Variants in WDR26 observed in about 807,000 individuals in gnomAD.
WDR26 encodes WD repeat domain 26, also known as WD repeat-containing protein 26.
Under a neutral mutation model 84.1 loss-of-function variants are expected in WDR26, and 5 were observed. The observed-to-expected ratio is 0.06, with a 90% CI of 0.03 to 0.13. WDR26 has a LOEUF of 0.13. Among genes scored for constraint, WDR26 ranks in the 10% least tolerant of loss-of-function variants. The pLI is 1.00. For synonymous variants in WDR26, 415 were observed against 389.6 expected, an observed-to-expected ratio of 1.07 and a Z score of -0.77; for missense variants, 642 against 974.9, an observed-to-expected ratio of 0.66 and a Z score of 4.55.
intron 12 of WDR26, 106 bp downstream of exon 12, chr1:224,397,991 T>A (rs1673310137): frequency 7.1e-7 from 1 of 1,399,552 alleles, no homozygotes; most frequent in African/African-American, 1.5e-5. Context: ...AATGAAAGAA[T>A]TTTAACTTAC....
chr1:224,406,983 G>A (rs1036482838), intron 7 of WDR26, among the ~76,000 whole-genome samples: 1 of 150,460 alleles, frequency 6.6e-6, no homozygotes, highest in African/African-American at 2.5e-5. Context: ...TTAGCCGGGT[G>A]TGGTGGTGGG....
Position 224,400,932 on chromosome 1 carries a change from G to T in WDR26, c.1719+18C>A, listed in dbSNP as rs1415858130. On this transcript the variant is annotated intron_variant, in intron 9 of 13. Coordinates refer to ENST00000414423, the MANE Select transcript of WDR26 (RefSeq NM_001379403.1). ...TTTTAAACCAACAGATACTGGGAAGGGGGCACTGAATACTTACACACTGAT... is the reference window on the plus strand; with the variant it reads ...TTTTAAACCAACAGATACTGGGAAGTGGGCACTGAATACTTACACACTGAT... The T allele has an allele frequency of 6.2e-7, 1 of 1,606,504 alleles. No homozygotes were observed. Among genetic ancestry groups the T allele is most frequent in the Non-Finnish European group, 8.5e-7 (1 of 1,177,692 alleles).
intron 6 of WDR26, among the ~76,000 whole-genome samples, chr1:224,416,377 G>A (rs7533277): frequency 1.3e-5 from 2 of 151,980 alleles, no homozygotes; most frequent in Non-Finnish European, 2.9e-5. Flanking sequence ...ACAGGCGCCT[G>A]CCACCACGCC....
chr1:224,391,085 TAA>T (rs946772997), intron 13 of WDR26, among the ~76,000 whole-genome samples: 1 of 146,112 alleles, frequency 6.8e-6, no homozygotes, highest in Non-Finnish European at 1.5e-5. Flanking sequence ...TATGCATCCT[TAA>T]AAAAAAAAAT....
chr1:224,420,726 A>G (rs1325155009), intron 4 of WDR26, among the ~76,000 whole-genome samples: 1 of 152,340 alleles, frequency 6.6e-6, no homozygotes, highest in Admixed American at 6.5e-5. Context: ...TAATGTAAGT[A>G]ATTATACTCA....
intron 6 of WDR26, among the ~76,000 whole-genome samples, chr1:224,415,453 CTTTTTTTT>C (rs149995544): frequency 1.3e-4 from 11 of 82,340 alleles, no homozygotes; most frequent in Admixed American, 3.2e-4. Context: ...GTATTTCTTT[CTTTTTTTT>C]TTTTTTTTTT....
rs947077160 is a variant in WDR26 at position 224,389,536 on chromosome 1, G to GA, written c.*298dup. ...ATCCTGCCAGACAAAAGACAGGAAGGAAAAAAATATATATACTGAGTTCAA... is the reference window on the plus strand; with the variant it reads ...ATCCTGCCAGACAAAAGACAGGAAGGAAAAAAAATATATATACTGAGTTCAA... On this transcript the variant is annotated 3_prime_UTR_variant, in exon 14 of 14. Transcript: ENST00000414423. The GA allele has an allele frequency of 9.7e-6, 5 of 513,040 alleles. No individual in the cohort carries two copies. The highest frequency in any genetic ancestry group is 1.7e-5 in the Non-Finnish European group (5 of 295,634). 31.8% of individuals were successfully genotyped at this position (513,040 alleles called of 1,614,324 possible).
At chr1:224,394,131 T>A (rs1673195931) in intron 12 of WDR26, 118 bp from the exon 13 acceptor site, 1 of 698,026 alleles carries the variant, frequency 1.4e-6, no homozygotes, top group Non-Finnish European at 2.1e-6. Flanking sequence ...AAAATAAATA[T>A]ACCATGAATA....
At chr1:224,415,462 T>C (rs1159676064) in intron 6 of WDR26, among the ~76,000 whole-genome samples, 126 of 89,436 alleles carry the variant, frequency 1.4e-3, no homozygotes, top group Non-Finnish European at 2.7e-3. Flanking sequence ...TCTTTTTTTT[T>C]TTTTTTTTTT....
intron 10 of WDR26, 140 bp from the exon 11 acceptor site, chr1:224,398,733 A>G (rs1673327625): frequency 8.4e-7 from 1 of 1,196,586 alleles, no homozygotes. Context: ...ATTGAGAAGA[A>G]TCTGAGTTAC....
At chr1:224,399,829 G>C (rs1040531914) in intron 9 of WDR26, among the ~76,000 whole-genome samples, 6 of 152,114 alleles carry the variant, frequency 3.9e-5, no homozygotes, top group African/African-American at 1.4e-4. Context: ...ATCTGGGGTC[G>C]GGTGTGGTAG....
chr1:224,430,597 T>C (rs557519260), intron 3 of WDR26: 1 of 152,290 alleles, frequency 6.6e-6, no homozygotes, highest in South Asian at 2.1e-4. Flanking sequence ...TAATAGTCAT[T>C]TACTAATATT....
chr1:224,414,167 A>G (rs1264651282), intron 6 of WDR26, among the ~76,000 whole-genome samples: 2 of 133,400 alleles, frequency 1.5e-5, no homozygotes, highest in African/African-American at 5.7e-5. Flanking sequence ...ATGCAGTGGC[A>G]CGATCTCGGC....
At chr1:224,397,102 GAACAT>G (rs1457720785) in intron 12 of WDR26, among the ~76,000 whole-genome samples, 1 of 152,000 alleles carries the variant, frequency 6.6e-6, no homozygotes, top group Non-Finnish European at 1.5e-5. Context: ...ACAATAAATG[GAACAT>G]AACATAATCT....
At position 224,389,751 on chromosome 1, in the gene WDR26, T is replaced by C; in HGVS notation, c.*84A>G. 1.5e-6 allele frequency: 2 copies of C among 1,328,780 alleles called. No individual in the cohort carries two copies. The highest frequency in any genetic ancestry group is 2.2e-6 in the Non-Finnish European group (2 of 923,304). The allele number at this position is 1,328,780 out of a possible 1,614,324, so 82.3% of individuals were successfully genotyped here. ...ACGAGCATGTCTGTCCAGCTATCAA[T>C]CATGTTTGTTTGCACCAAATCCCAA... On this transcript the variant is annotated 3_prime_UTR_variant, in exon 14 of 14. Transcript: ENST00000414423.
intron 12 of WDR26, among the ~76,000 whole-genome samples, chr1:224,395,954 G>A (rs1290091448): frequency 6.6e-6 from 1 of 152,074 alleles, no homozygotes; most frequent in Admixed American, 6.5e-5. Context: ...TTTGGGAAAC[G>A]GTTTTTAATT....
intron 13 of WDR26, among the ~76,000 whole-genome samples, chr1:224,390,511 G>T (rs1172353871): frequency 6.6e-6 from 1 of 152,232 alleles, no homozygotes; most frequent in Non-Finnish European, 1.5e-5. Context: ...AGGAAAGAAA[G>T]ATCTGGCAGT....
Position 224,431,501 on chromosome 1 carries a change from A to T in WDR26, c.903T>A (p.Ser301=). 1 of 1,614,024 alleles carries T rather than the reference A, an allele frequency of 6.2e-7. No individual in the cohort carries two copies. The highest frequency in any genetic ancestry group is 1.1e-5 in the South Asian group (1 of 91,056). Reference sequence around the variant, plus strand: ...CCACAATTATTCCCAACAACGTTTGAGAGATTTCAAGTGCGCCTCTTACCA... The same window carrying T: ...CCACAATTATTCCCAACAACGTTTGTGAGATTTCAAGTGCGCCTCTTACCA... The change falls in exon 3 of 14, where the codon TCT becomes TCA. Residue 301 remains serine, a synonymous_variant. Transcript: ENST00000414423.
chr1:224,413,244 T>A, intron 6 of WDR26: 1 of 1,065,450 alleles, frequency 9.4e-7, no homozygotes, highest in Non-Finnish European at 1.2e-6. Flanking sequence ...TAAACAATAA[T>A]GGATACACCT....
Sources: allele counts gnomAD v4.1 joint callset (sites outside exome capture counted in the v4.1 genomes callset), GRCh38; gene constraint gnomAD v4.1.1; transcripts MANE v1.5; gene names NCBI Gene and HGNC (gene_info 2026-07-23, HGNC 2026-07-21).